Variants in TRMT2B observed in about 807,000 individuals in gnomAD.
The protein encoded by TRMT2B is tRNA methyltransferase 2B, also known as tRNA (uracil-5-)-methyltransferase homolog B.
Under a neutral mutation model 39.7 loss-of-function variants are expected in TRMT2B, and 34 were observed. The ratio of observed to expected loss-of-function variants is 0.86; its 90% confidence interval spans 0.65 to 1.14. TRMT2B has a LOEUF of 1.14. Among genes scored for constraint, TRMT2B ranks in the 50% most tolerant of loss-of-function variants. The pLI, the probability that TRMT2B is intolerant of heterozygous loss-of-function variation, is 0.00. For missense variants in TRMT2B, 318 were observed against 377.2 expected, an observed-to-expected ratio of 0.84 and a Z score of 1.30; for synonymous variants, 132 against 137.3, an observed-to-expected ratio of 0.96 and a Z score of 0.27.
At chrX:101,022,306 T>C (rs1439273715) in intron 8 of TRMT2B, among the ~76,000 whole-genome samples, 1 of 110,431 alleles carries the variant, frequency 9.1e-6, no homozygotes, top group Non-Finnish European at 1.9e-5. Context: ...CTAGGCAACA[T>C]AGCAACATCC....
chrX:101,051,428 G>A lies in TRMT2B; in HGVS notation c.-201C>T, dbSNP rs1008657563. 1 of 754,682 alleles carries A rather than the reference G, an allele frequency of 1.3e-6. No homozygotes were observed. Among genetic ancestry groups the A allele is most frequent in the Non-Finnish European group, 1.6e-6 (1 of 639,495 alleles). The allele number at this position is 754,682 out of a possible 1,213,427, so 62.2% of individuals were successfully genotyped here. A position where few individuals can be genotyped will look rare whatever the true frequency, so the allele number is the denominator to read the frequency against. ...GTGTCCCGAATGCAGCCCACAGGCA[G>A]TCAGGTCCTTGTCTCCCCAACAAGA... is the stretch of plus-strand genomic sequence containing the variant. On this transcript the variant is annotated 5_prime_UTR_variant, in exon 2 of 14. Coordinates refer to ENST00000372936, the MANE Select transcript of TRMT2B (RefSeq NM_024917.6).
At chrX:101,030,501 A>G (rs1368865949) in intron 7 of TRMT2B, among the ~76,000 whole-genome samples, 3 of 84,516 alleles carry the variant, frequency 3.5e-5, no homozygotes, top group African/African-American at 1.6e-4. Flanking sequence ...CCCAGGCTGG[A>G]GTGCAGTGGC....
chrX:100,985,771 C>T, the TRMT2B span: 10 of 1,211,199 alleles, frequency 8.3e-6, no homozygotes, highest in Non-Finnish European at 1.1e-5. Flanking sequence ...CCTGAAGGGC[C>T]GGGAAGCATG....
At chrX:100,989,625 G>C in the TRMT2B span, among the ~76,000 whole-genome samples, 6 of 107,393 alleles carry the variant, frequency 5.6e-5, no homozygotes, top group Non-Finnish European at 9.7e-5. Context: ...AAAAAAAAAA[G>C]ACATTTTCTT....
intron 13 of TRMT2B, among the ~76,000 whole-genome samples, chrX:101,013,069 C>T (rs1238966111): frequency 9.0e-6 from 1 of 111,534 alleles, no homozygotes; most frequent in Non-Finnish European, 1.9e-5. Context: ...GATCCGCCTA[C>T]CTCAGCCTCC....
intron 13 of TRMT2B, among the ~76,000 whole-genome samples, chrX:101,018,442 C>T (rs2086629779): frequency 1.0e-5 from 1 of 100,332 alleles, no homozygotes; most frequent in East Asian, 3.1e-4. Flanking sequence ...ATTTTTAACA[C>T]TTTTTTTTTT....
chrX:101,049,077 T>C (rs1404783330), intron 2 of TRMT2B, among the ~76,000 whole-genome samples: 2 of 111,581 alleles, frequency 1.8e-5, no homozygotes, highest in African/African-American at 6.5e-5. Context: ...GTACAGTTTG[T>C]GGGAAATTTA....
chrX:101,036,444 CAAA>C (rs776144105), intron 6 of TRMT2B, among the ~76,000 whole-genome samples: 4 of 21,780 alleles, frequency 1.8e-4, no homozygotes, highest in African/African-American at 6.4e-4. Context: ...GACTCCATCT[CAAA>C]AAAAAAAAAA....
chrX:101,006,788 G>A (rs1373341660), downstream of TRMT2B, among the ~76,000 whole-genome samples: 6 of 61,498 alleles, frequency 9.8e-5, no homozygotes, highest in Non-Finnish European at 1.7e-4. Flanking sequence ...GGGTAACAAA[G>A]CAAGACTCTG....
chrX:100,990,746 G>T, the TRMT2B span: 1 of 473,326 alleles, frequency 2.1e-6, no homozygotes, highest in Non-Finnish European at 3.4e-6. Flanking sequence ...GAAATACAGG[G>T]TTCATTTAGA....
intron 2 of TRMT2B, 94 bp from the exon 3 acceptor site, chrX:101,042,406 C>G (rs2088294344): frequency 2.1e-6 from 2 of 958,961 alleles, no homozygotes; most frequent in African/African-American, 3.9e-5. Flanking sequence ...ACTGAAGCGC[C>G]TAGCAGAATG....
intron 4 of TRMT2B, among the ~76,000 whole-genome samples, chrX:101,040,970 G>A (rs1049124272): frequency 8.9e-6 from 1 of 111,734 alleles, no homozygotes; most frequent in African/African-American, 3.3e-5. Flanking sequence ...AGCACTCTGG[G>A]AGGCCGAGGT....
chrX:100,990,903 G>A, the TRMT2B span: 3 of 191,012 alleles, frequency 1.6e-5, no homozygotes, highest in Non-Finnish European at 2.9e-5. Context: ...GACACTGTCT[G>A]TGAAGCCCAG....
chrX:101,046,666 C>T (rs1909274699), intron 2 of TRMT2B, among the ~76,000 whole-genome samples: 1 of 112,077 alleles, frequency 8.9e-6, no homozygotes, highest in Admixed American at 9.6e-5. Flanking sequence ...GTGGCTCACA[C>T]CTATAATCTC....
chrX:100,997,347 C>T, the TRMT2B span, among the ~76,000 whole-genome samples: 16 of 112,170 alleles, frequency 1.4e-4, no homozygotes, highest in Non-Finnish European at 2.4e-4. Context: ...CTTCCCCTAA[C>T]GGTAGCATCT....
intron 2 of TRMT2B, among the ~76,000 whole-genome samples, chrX:101,045,058 C>T (rs1356864727): frequency 9.6e-6 from 1 of 104,607 alleles, no homozygotes; most frequent in Non-Finnish European, 2.0e-5. Flanking sequence ...GTGGGGTGCT[C>T]ATGTCTGTAA....
intron 7 of TRMT2B, among the ~76,000 whole-genome samples, chrX:101,033,181 A>G (rs924305490): frequency 1.4e-4 from 15 of 104,676 alleles, no homozygotes; most frequent in African/African-American, 4.5e-4. Flanking sequence ...GCTTGAACCC[A>G]GGAGGTGGAG....
At chrX:101,031,989 A>G (rs1224226527) in intron 7 of TRMT2B, among the ~76,000 whole-genome samples, 1 of 111,264 alleles carries the variant, frequency 9.0e-6, no homozygotes, top group Non-Finnish European at 1.9e-5. Flanking sequence ...AAGAATAGAG[A>G]GCACATAGAA....
chrX:101,027,325 G>A (rs750359035), intron 7 of TRMT2B, among the ~76,000 whole-genome samples: 50 of 109,615 alleles, frequency 4.6e-4, no homozygotes, highest in South Asian at 8.0e-4. Flanking sequence ...TCCGCCTCCC[G>A]GGTTCAAGCG....
Sources: allele counts gnomAD v4.1 joint callset (sites outside exome capture counted in the v4.1 genomes callset), GRCh38; gene constraint gnomAD v4.1.1; transcripts MANE v1.5; gene names NCBI Gene and HGNC (gene_info 2026-07-23, HGNC 2026-07-21).